The following ABCA7 variants were observed in gnomAD, a reference collection of about 807,000 sequenced individuals.
ABCA7 encodes the protein ATP binding cassette subfamily A member 7.
A neutral mutation model predicts 227.6 loss-of-function variants in ABCA7; 261 were observed. That is an observed-to-expected ratio of 1.15 (90% CI 1.04 to 1.27). The LOEUF is 1.27. Among genes scored for constraint, ABCA7 ranks in the 50% most tolerant of loss-of-function variants. The pLI is 0.00. For missense variants in ABCA7, 3,331 were observed against 2,924.5 expected (o/e 1.14, Z -3.21); for synonymous variants, 1,488 against 1,279.7 (o/e 1.16, Z -3.47).
rs1188874288 is a variant in ABCA7 at position 1,046,949 on chromosome 19, G to C, written c.1770G>C (p.Val590=). 6.4e-7 allele frequency: 1 copy of C among 1,570,220 alleles called. No homozygotes were observed. The highest frequency in any genetic ancestry group is 1.5e-5 in the African/African-American group (1 of 66,198). ...TMRAMGLSRA[V]LWLGWFLSCL... ...GCGCCATGGGGCTCAGCCGCGCGGT[G>C]CTCTGGCTAGGCTGGTTCCTCAGCT... The change falls in exon 14 of 47, where the codon GTG becomes GTC. Residue 590 remains valine (V), a synonymous_variant. Transcript: ENST00000263094.
At position 1,046,215 on chromosome 19, in the gene ABCA7, A is replaced by T; in HGVS notation, c.1446-15A>T. 2 of 1,604,968 alleles carry T rather than the reference A, an allele frequency of 1.2e-6. No individual in the cohort carries two copies. The highest frequency in any genetic ancestry group is 1.7e-6 in the Non-Finnish European group (2 of 1,179,068). ...TAGCCCTTCCCTACAACCGGCCACC[A>T]TGCCCCTCTCGCAGGTTTTGGGACC... On this transcript the variant is annotated splice_polypyrimidine_tract_variant and intron_variant, in intron 12 of 46. Coordinates refer to ENST00000263094, the MANE Select transcript of ABCA7 (RefSeq NM_019112.4).
Position 1,041,827 on chromosome 19 carries a change from G to C in ABCA7, c.161-4G>C. ...GGGCCTCAGCACCAGGCGTCTCCCC[G>C]CAGGCCACTTCCCAAACAAGCCACT... On this transcript the variant is annotated splice_region_variant and splice_polypyrimidine_tract_variant and intron_variant, in intron 3 of 46. Transcript: ENST00000263094. The C allele has an allele frequency of 6.2e-7, 1 of 1,601,354 alleles. No individual in the cohort carries two copies. The highest frequency in any genetic ancestry group is 2.2e-5 in the East Asian group (1 of 44,556).
At chr19:1,061,708 A>AG in intron 40 of ABCA7, 74 bp from the exon 41 acceptor site, 1 of 1,433,768 alleles carries the variant, frequency 7.0e-7, no homozygotes, top group African/African-American at 1.5e-5. Context: ...TCAAAAAAAA[A>AG]AAAAAAAGAA....
rs185912063 is a variant in ABCA7, at chr19:1,059,596, C to T, written c.5463+511C>T. 2.4e-3 allele frequency among the ~76,000 whole-genome samples: 358 copies of T among 148,432 alleles called. 3 individuals are homozygous for T. The highest frequency in any genetic ancestry group is 8.2e-3 in the African/African-American group (329 of 40,146). On this transcript the variant is annotated intron_variant, in intron 40 of 46. Transcript: ENST00000263094. ...ATCTTTTTTTAGAGACGGAGTCTCACTCTGTCGCCCAGGCTGGAGTGCAGT... is the reference window on the plus strand; with the variant it reads ...ATCTTTTTTTAGAGACGGAGTCTCATTCTGTCGCCCAGGCTGGAGTGCAGT...
In ABCA7 at chr19:1,042,149, G is replaced by A. The variant is rs2040105183; in HGVS notation, c.388G>A (p.Ala130Thr). ...GCTGGCTGGCCTAGGGAAGCTGATCGCCACGCTGAGGGCTGCACGCAGCAC... is the reference window on the plus strand; with the variant it reads ...GCTGGCTGGCCTAGGGAAGCTGATCACCACGCTGAGGGCTGCACGCAGCAC... ...RTLAGLGKLI[A>T]TLRAARSTAQ... Residue 130 changes from alanine to threonine, a missense_variant, in exon 5 of 47, where the codon GCC becomes ACC. By Grantham distance (58) the Ala-to-Thr change is moderately conservative (BLOSUM62 0). Transcript: ENST00000263094. 6.3e-7 allele frequency: 1 copy of A among 1,599,770 alleles called. No individual in the cohort carries two copies. Among genetic ancestry groups the A allele is most frequent in the Non-Finnish European group, 8.5e-7 (1 of 1,179,204 alleles).
rs781094141 is a variant in ABCA7, at chr19:1,056,178, C to G, written c.4351C>G (p.Leu1451Val). Residue 1451 changes from leucine to valine, a missense_variant, in exon 32 of 47, where the codon CTC becomes GTC. Leu to Val is a conservative substitution (Grantham distance 32). Coordinates refer to ENST00000263094, the MANE Select transcript of ABCA7 (RefSeq NM_019112.4). This position sits in a 1 kb window ranked among gnomAD's most constrained non-coding sequence, Gnocchi z 4.3. The stretch of plus-strand genomic sequence containing the variant: ...GCTGAGTCCCCTGCCTGGCGGGGCC[C>G]TCGACCGTGTCCTGAAAAACCTCAC... ...ALLSPLPGGA[L>V]DRVLKNLTAW... 3 of 1,607,820 alleles carry G rather than the reference C, an allele frequency of 1.9e-6. No individual in the cohort carries two copies. The highest frequency in any genetic ancestry group is 2.5e-6 in the Non-Finnish European group (3 of 1,178,874).
At chr19:1,051,333 G>A (rs769789625) in intron 20 of ABCA7, 39 bp downstream of exon 20, 2 of 1,490,268 alleles carry the variant, frequency 1.3e-6, no homozygotes, top group Non-Finnish European at 9.0e-7. Context: ...CACAGGGAGG[G>A]GCCTGGGGAT....
At position 1,045,168 on chromosome 19, in the gene ABCA7, A is replaced by T; in HGVS notation, c.1382A>T (p.His461Leu). ...EHPTPDLGPG[H>L]VRIKIRMDID... ...CCAACCCCAGACCTGGGCCCCGGCC[A>T]CGTGCGCATCAAAATCCGCATGGAC... The change falls in exon 12 of 47, where the codon CAC (histidine) becomes CTC (leucine). Residue 461 changes from histidine (H) to leucine (L), a missense_variant. Coordinates refer to ENST00000263094, the MANE Select transcript of ABCA7 (RefSeq NM_019112.4). The T allele has an allele frequency of 6.2e-7, 1 of 1,612,704 alleles. No homozygotes were observed. Among genetic ancestry groups the T allele is most frequent in the Non-Finnish European group, 8.5e-7 (1 of 1,179,862 alleles).
At chr19:1,049,245 G>A (rs2041112543) in intron 17 of ABCA7, 21 bp from the exon 18 acceptor site, 2 of 1,577,752 alleles carry the variant, frequency 1.3e-6, no homozygotes, top group Admixed American at 1.7e-5. Flanking sequence ...CTCCATGGCT[G>A]AGTCCACCCC....
At chr19:1,042,695 C>A (rs762372928) in intron 6 of ABCA7, 51 bp from the exon 7 acceptor site, 3 of 1,565,372 alleles carry the variant, frequency 1.9e-6, no homozygotes, top group South Asian at 1.1e-5. Flanking sequence ...GAGCGCTGGA[C>A]CCCTAGTGAG....
rs764123426 is a variant in ABCA7 at position 1,055,312 on chromosome 19, A to G, written c.4166A>G (p.Asp1389Gly). 73 of 1,603,384 alleles carry G rather than the reference A, an allele frequency of 4.6e-5. No individual in the cohort carries two copies. In the Admixed American group the frequency reaches 1.2e-3, roughly 27 times the overall value. ...VQNLTGRNLSDFLVKTYPRLV... is the reference protein window; with the variant it reads ...VQNLTGRNLSGFLVKTYPRLV... ...AACCTGACAGGCCGGAACCTGTCTG[A>G]CTTCCTGGTCAAGACCTACCCGCGC... The change falls in exon 30 of 47, where the codon GAC (aspartate) becomes GGC (glycine). Residue 1389 changes from aspartate (D) to glycine (G), a missense_variant. Coordinates refer to ENST00000263094, the MANE Select transcript of ABCA7 (RefSeq NM_019112.4).
At chr19:1,062,654 C>T (rs1488849267) in intron 42 of ABCA7, among the ~76,000 whole-genome samples, 1 of 151,964 alleles carries the variant, frequency 6.6e-6, no homozygotes, top group African/African-American at 2.4e-5. Flanking sequence ...GCGCCTTTCT[C>T]GCTGGGGTCA....
At position 1,049,378 on chromosome 19, in the gene ABCA7, C is replaced by T. The variant is rs757503546; in HGVS notation, c.2493C>T (p.Phe831=). 3.5e-5 allele frequency: 57 copies of T among 1,611,314 alleles called. No homozygotes were observed. The East Asian group carries it at 1.2e-3, about 35-fold the overall frequency. Residue 831 remains phenylalanine (F), a synonymous_variant, in exon 18 of 47, where the codon TTC becomes TTT. Coordinates refer to ENST00000263094, the MANE Select transcript of ABCA7 (RefSeq NM_019112.4). ...QPALRGLSLD[F]YQGHITAFLG... ...CCCTGCGGGGGCTCAGCCTGGACTT[C>T]TACCAGGGCCACATCACCGCCTTCC...
intron 14 of ABCA7, 62 bp downstream of exon 14, chr19:1,047,086 C>A (rs537063700): frequency 3.2e-6 from 5 of 1,551,984 alleles, no homozygotes; most frequent in South Asian, 2.4e-5. Flanking sequence ...CAGACAGGGG[C>A]GGCCCCACGT....
intron 9 of ABCA7, 73 bp from the exon 10 acceptor site, chr19:1,043,652 C>T: frequency 1.3e-6 from 2 of 1,531,118 alleles, no homozygotes. Context: ...AGGAGCAAGG[C>T]AGAGGGGGCA....
At chr19:1,045,418 G>C (rs1169356457) in intron 12 of ABCA7, 187 bp downstream of exon 12, 2 of 632,076 alleles carry the variant, frequency 3.2e-6, no homozygotes, top group Admixed American at 2.9e-5. Context: ...GCGGGGCCTA[G>C]GTGCATGAGG....
At position 1,043,118 on chromosome 19, in the gene ABCA7, G is replaced by A; in HGVS notation, c.657G>A (p.Leu219=). 1.2e-6 allele frequency: 2 copies of A among 1,612,634 alleles called. No individual in the cohort carries two copies. The highest frequency in any genetic ancestry group is 1.7e-6 in the Non-Finnish European group (2 of 1,179,662). ...RPRGTSGPLE[L]LSEALCSVRG... Reference sequence around the variant, plus strand: ...GAGGGACCAGCGGCCCCCTGGAGTTGCTGTCAGAGGCCCTCTGCAGTGTCA... The same window carrying A: ...GAGGGACCAGCGGCCCCCTGGAGTTACTGTCAGAGGCCCTCTGCAGTGTCA... Residue 219 remains leucine (L), a synonymous_variant, in exon 8 of 47, where the codon TTG becomes TTA. Transcript: ENST00000263094.
rs1426799172 is a variant in ABCA7, at chr19:1,058,166, G to A, written c.5046G>A (p.Arg1682=). The change falls in exon 37 of 47, where the codon CGG becomes CGA. Residue 1682 remains arginine, a synonymous_variant. Transcript: ENST00000263094. The part of the protein sequence containing the change: ...FSDQKLQEVS[R]ILKQVFLIFP... ...AGCAGAAGCTGCAGGAGGTGAGCCG[G>A]ATCTTGAAACAGGTCTTCCTTATCT... 5.0e-6 allele frequency: 8 copies of A among 1,613,842 alleles called. No homozygotes were observed. The highest frequency in any genetic ancestry group is 1.6e-4 in the Middle Eastern group (1 of 6,062).
chr19:1,059,095 G>T lies in ABCA7; in HGVS notation c.5463+10G>T, dbSNP rs1391364842. 3 of 1,611,596 alleles carry T rather than the reference G, an allele frequency of 1.9e-6. No individual in the cohort carries two copies. Among genetic ancestry groups the T allele is most frequent in the Non-Finnish European group, 1.7e-6 (2 of 1,179,444 alleles). On this transcript the variant is annotated intron_variant, in intron 40 of 46. Transcript: ENST00000263094. Reference sequence around the variant, plus strand: ...GATTCCCCCTGGTGAGGTGAGTCCAGGGGTGGAGGCCAGGTGCAGGGACAG... The same window carrying T: ...GATTCCCCCTGGTGAGGTGAGTCCATGGGTGGAGGCCAGGTGCAGGGACAG...
Sources: gnomAD v4.1 joint callset for allele counts (sites outside exome capture counted in the v4.1 genomes callset) on GRCh38, gnomAD v4.1.1 for gene constraint, Gnocchi (gnomAD v3.1) non-coding constraint, MANE v1.5 for transcripts, NCBI Gene and HGNC (gene_info 2026-07-23, HGNC 2026-07-21) for gene names.